The following CSMD1 variants were observed in gnomAD, a reference collection of about 807,000 sequenced individuals.
CSMD1 encodes the protein CUB and Sushi multiple domains 1, also known as CUB and sushi domain-containing protein 1.
In CSMD1, 213 loss-of-function variants were observed where a neutral mutation model predicts 417.5. The ratio of observed to expected loss-of-function variants is 0.51; its 90% CI spans 0.46 to 0.57. The LOEUF (loss-of-function observed/expected upper bound fraction) is 0.57. CSMD1 is among the 20% of genes least tolerant of loss of function. The pLI, the probability that CSMD1 is intolerant of heterozygous loss-of-function variation, is 0.00. For synonymous variants in CSMD1, 2,862 were observed against 1,736.8 expected (o/e 1.65, Z -16.11); for missense variants, 6,923 against 4,529.7 (o/e 1.53, Z -15.17).
chr8:4,813,472 A>G (rs1295267268), intron 1 of CSMD1, among the ~76,000 whole-genome samples: 1 of 152,200 alleles, frequency 6.6e-6, no homozygotes, highest in East Asian at 1.9e-4. Context: ...GAACGTATCA[A>G]AAAATAAATA....
chr8:4,254,412 G>C (rs1394333750), intron 3 of CSMD1, among the ~76,000 whole-genome samples: 2 of 152,168 alleles, frequency 1.3e-5, no homozygotes, highest in Non-Finnish European at 2.9e-5. Flanking sequence ...GCCACATTCA[G>C]CAGTCCCCTT....
At position 4,255,045 on chromosome 8, in the gene CSMD1, A is replaced by G. The variant is rs1803358261; in HGVS notation, c.415+164908T>C. On this transcript the variant is annotated intron_variant, in intron 3 of 69. Coordinates refer to ENST00000635120, the MANE Select transcript of CSMD1 (RefSeq NM_033225.6). ...ATCCCCTCGTACCATAGAGGAGTTGATCAAGCAATTCTCAGCCTTTTTTAT... is the reference window on the plus strand; with the variant it reads ...ATCCCCTCGTACCATAGAGGAGTTGGTCAAGCAATTCTCAGCCTTTTTTAT... Among the ~76,000 whole-genome samples, 8 of 152,304 alleles carry G rather than the reference A, an allele frequency of 5.3e-5. No individual in the cohort carries two copies. In the South Asian group the frequency reaches 1.7e-3, roughly 32 times the overall value.
chr8:4,961,897 T>TC (rs1809514124), intron 1 of CSMD1, among the ~76,000 whole-genome samples: 1 of 75,720 alleles, frequency 1.3e-5, no homozygotes, highest in African/African-American at 6.4e-5. Context: ...AAAAATTCCT[T>TC]CCTTTTTTTT....
At chr8:4,329,582 G>A (rs184324259) in intron 3 of CSMD1, among the ~76,000 whole-genome samples, 8 of 152,110 alleles carry the variant, frequency 5.3e-5, no homozygotes, top group East Asian at 1.9e-4. Context: ...GCCACCGCAC[G>A]TTGCCAAAAA....
chr8:4,665,132 G>C (rs1229476504), intron 1 of CSMD1, among the ~76,000 whole-genome samples: 6 of 152,040 alleles, frequency 3.9e-5, no homozygotes, highest in African/African-American at 1.4e-4. Flanking sequence ...TGGCAATCTA[G>C]ATTAAACCTC....
rs1554431370 is a variant in CSMD1 at position 3,120,706 on chromosome 8, G to GA, written c.6242-2120_6242-2119insT. On this transcript the variant is annotated intron_variant, in intron 41 of 69. Transcript: ENST00000635120. ...TACTAAAAATACAAAAATTAGCCAGGGGGGGTGACCGGCACCTGTAATCCC... is the reference window on the plus strand; with the variant it reads ...TACTAAAAATACAAAAATTAGCCAGGAGGGGGTGACCGGCACCTGTAATCCC... 3.4e-3 allele frequency among the ~76,000 whole-genome samples: 497 copies of GA among 147,438 alleles called. 8 individuals carry two copies. The East Asian group carries it at 0.066, about 20-fold the overall frequency.
chr8:2,946,342 T>A (rs953870329), intron 68 of CSMD1, among the ~76,000 whole-genome samples: 47 of 152,186 alleles, frequency 3.1e-4, no homozygotes, highest in Admixed American at 1.2e-3. Context: ...CTTAGAAGAT[T>A]GGTGTCCCTC....
chr8:3,181,431 C>A (rs768829134), intron 36 of CSMD1, among the ~76,000 whole-genome samples: 2 of 152,158 alleles, frequency 1.3e-5, no homozygotes, highest in African/African-American at 4.8e-5. Flanking sequence ...CTGCTCAAGT[C>A]GATGTGACAC....
chr8:3,999,351 T>G (rs949575764), intron 4 of CSMD1, among the ~76,000 whole-genome samples: 23 of 152,108 alleles, frequency 1.5e-4, no homozygotes, highest in African/African-American at 5.6e-4. Context: ...CTACCCACCC[T>G]CTCTCCACCA....
chr8:3,810,784 G>C (rs1391331393), intron 5 of CSMD1, among the ~76,000 whole-genome samples: 1 of 152,090 alleles, frequency 6.6e-6, no homozygotes, highest in Non-Finnish European at 1.5e-5. Context: ...GCATCACTGG[G>C]TCCGGCACAT....
At chr8:4,115,609 A>G in intron 3 of CSMD1, among the ~76,000 whole-genome samples, 1 of 152,210 alleles carries the variant, frequency 6.6e-6, no homozygotes, top group East Asian at 1.9e-4. Flanking sequence ...ATAAATATAT[A>G]CGTGATCAAA....
intron 3 of CSMD1, among the ~76,000 whole-genome samples, chr8:4,154,242 TAA>T (rs1014977482): frequency 5.9e-5 from 9 of 151,868 alleles, no homozygotes; most frequent in African/African-American, 2.2e-4. Context: ...TACAATGAAA[TAA>T]AGTTTCTGGC....
chr8:3,876,000 C>T (rs1423888391), intron 5 of CSMD1, among the ~76,000 whole-genome samples: 1 of 152,118 alleles, frequency 6.6e-6, no homozygotes, highest in Non-Finnish European at 1.5e-5. Context: ...TACATTTCTT[C>T]CTACAGTTCT....
At chr8:4,363,822 C>G (rs973395239) in intron 3 of CSMD1, among the ~76,000 whole-genome samples, 3 of 152,084 alleles carry the variant, frequency 2.0e-5, no homozygotes, top group Admixed American at 6.5e-5. Flanking sequence ...ATCACATGTT[C>G]TCACTTATTT....
At chr8:3,367,446 A>T (rs1809669811) in intron 19 of CSMD1, among the ~76,000 whole-genome samples, 199 bp from the exon 20 acceptor site, 1 of 151,750 alleles carries the variant, frequency 6.6e-6, no homozygotes, top group African/African-American at 2.4e-5. Flanking sequence ...TGAGACAGAG[A>T]TGGAGAGAGA....
At chr8:3,219,225 T>C in intron 29 of CSMD1, 30 bp downstream of exon 29, 6 of 1,545,786 alleles carry the variant, frequency 3.9e-6, no homozygotes, top group Non-Finnish European at 5.3e-6. Flanking sequence ...TACAAATTAA[T>C]TCCCACTCAA....
At chr8:3,534,819 G>C (rs927290146) in intron 10 of CSMD1, among the ~76,000 whole-genome samples, 4 of 152,118 alleles carry the variant, frequency 2.6e-5, no homozygotes, top group Admixed American at 1.3e-4. Context: ...ATTTTCTTTG[G>C]GTCACATTTT....
At chr8:4,457,214 G>A (rs987203953) in intron 2 of CSMD1, among the ~76,000 whole-genome samples, 1 of 152,076 alleles carries the variant, frequency 6.6e-6, no homozygotes, top group African/African-American at 2.4e-5. Context: ...TGGAGGGAAG[G>A]GGGGAACTCA....
At chr8:3,980,086 T>G (rs1813735534) in intron 5 of CSMD1, among the ~76,000 whole-genome samples, 4 of 151,880 alleles carry the variant, frequency 2.6e-5, no homozygotes, top group Admixed American at 2.6e-4. Flanking sequence ...TATTCCTAAT[T>G]GATTACTTTT....
Sources: gnomAD v4.1 joint callset for allele counts (sites outside exome capture counted in the v4.1 genomes callset) on GRCh38, gnomAD v4.1.1 for gene constraint, MANE v1.5 for transcripts, NCBI Gene and HGNC (gene_info 2026-07-23, HGNC 2026-07-21) for gene names.